PPIA: variants seen among roughly 807,000 people sequenced by gnomAD.
PPIA encodes peptidyl-prolyl cis-trans isomerase A.
Under a neutral mutation model 15.3 loss-of-function variants are expected in PPIA, and 2 were observed. That is an observed-to-expected ratio of 0.13 (90% CI 0.05 to 0.41). PPIA has a LOEUF of 0.41. Among genes scored for constraint, PPIA ranks in the 10% least tolerant of loss-of-function variants. PPIA has a pLI of 0.99. For synonymous variants in PPIA, 67 were observed against 73.1 expected (o/e 0.92, Z 0.43); for missense variants, 103 against 210.3 (o/e 0.49, Z 3.16).
rs776159089 is a variant in PPIA, at chr7:44,799,495, G to A, written c.189+15G>A. 1 of 1,608,742 alleles carries A rather than the reference G, an allele frequency of 6.2e-7. No individual in the cohort carries two copies. The highest frequency in any genetic ancestry group is 8.5e-7 in the Non-Finnish European group (1 of 1,177,984). ...TTATGTGTCAGGTACGAAATTTACT[G>A]AATTTTATTTTATTTGGGTTGCTCC... On this transcript the variant is annotated intron_variant, in intron 3 of 4. Coordinates refer to ENST00000468812, the MANE Select transcript of PPIA (RefSeq NM_021130.5).
intron 1 of PPIA, 65 bp from the exon 2 acceptor site, chr7:44,799,182 C>T: frequency 6.5e-7 from 1 of 1,527,456 alleles, no homozygotes; most frequent in South Asian, 1.2e-5. Flanking sequence ...TCAGAAGCCC[C>T]TAAAGACATG....
At chr7:44,801,113 G>A (rs1335372778) in intron 4 of PPIA, among the ~76,000 whole-genome samples, 174 bp from the exon 5 acceptor site, 8 of 151,804 alleles carry the variant, frequency 5.3e-5, no homozygotes, top group Non-Finnish European at 1.0e-4. Context: ...CACCGCACCC[G>A]GCCTATATGT....
chr7:44,801,142 T>C, intron 4 of PPIA, 145 bp from the exon 5 acceptor site: 1 of 1,013,952 alleles, frequency 9.9e-7, no homozygotes, highest in Non-Finnish European at 1.4e-6. Flanking sequence ...TTAATGGTAA[T>C]TGGAGAATCA....
In PPIA at chr7:44,802,427, A is replaced by C. The variant is rs1792596634; in HGVS notation, c.*1005A>C. On this transcript the variant is annotated 3_prime_UTR_variant, in exon 5 of 5. Coordinates refer to ENST00000468812, the MANE Select transcript of PPIA (RefSeq NM_021130.5). ...GCCTCCCAAACTGCTGAGATTACAG[A>C]TGTGAGCCACCGCACCCTACCTCAT... 1 of 152,090 alleles carries C rather than the reference A, an allele frequency of 6.6e-6. No individual in the cohort carries two copies. Among genetic ancestry groups the C allele is most frequent in the African/African-American group, 2.4e-5 (1 of 41,414 alleles). 9.4% of individuals were successfully genotyped at this position (152,090 alleles called of 1,614,324 possible).
chr7:44,801,245 G>T, intron 4 of PPIA, 42 bp from the exon 5 acceptor site: 1 of 1,605,328 alleles, frequency 6.2e-7, no homozygotes, highest in Non-Finnish European at 8.5e-7. Context: ...GAGGCTGCTT[G>T]TTTGTGGTTG....
At chr7:44,797,670 T>C (rs926957750) in intron 1 of PPIA, among the ~76,000 whole-genome samples, 4 of 152,242 alleles carry the variant, frequency 2.6e-5, no homozygotes, top group Non-Finnish European at 5.9e-5. Flanking sequence ...TTAAATGAGT[T>C]CTTAAAGATC....
At chr7:44,798,757 C>T (rs1007278762) in intron 1 of PPIA, 54 of 987,870 alleles carry the variant, frequency 5.5e-5, no homozygotes, top group Non-Finnish European at 6.0e-5. Context: ...GGTAAGGGGC[C>T]TGGATACCAA....
At chr7:44,797,013 C>T (rs1438460336) in intron 1 of PPIA, among the ~76,000 whole-genome samples, 3 of 152,080 alleles carry the variant, frequency 2.0e-5, no homozygotes, top group East Asian at 3.9e-4. Flanking sequence ...GGGGCGGCTG[C>T]GAGGCCGTTG....
chr7:44,797,098 C>T (rs1792395332), intron 1 of PPIA, among the ~76,000 whole-genome samples: 1 of 152,206 alleles, frequency 6.6e-6, no homozygotes, highest in African/African-American at 2.4e-5. Context: ...TGCTCGGCGG[C>T]CGCGCTCAGG....
At chr7:44,800,963 A>G (rs1375370678) in intron 4 of PPIA, among the ~76,000 whole-genome samples, 1 of 151,956 alleles carries the variant, frequency 6.6e-6, no homozygotes, top group African/African-American at 2.4e-5. Flanking sequence ...GACTATAGGC[A>G]CACGCCACCA....
rs1792602337 is a variant in PPIA, at chr7:44,802,658, C to T, written c.*1236C>T. 1 of 152,144 alleles carries T rather than the reference C, an allele frequency of 6.6e-6. No individual in the cohort carries two copies. The highest frequency in any genetic ancestry group is 2.4e-5 in the African/African-American group (1 of 41,422). The allele number at this position is 152,144 out of a possible 1,614,324, so 9.4% of individuals were successfully genotyped here. The stretch of plus-strand genomic sequence containing the variant: ...TGCAGTGAGGAGGTACTGCTTGTAG[C>T]ATATAGAGCCTCTCCCTAGCTTTGG... On this transcript the variant is annotated 3_prime_UTR_variant, in exon 5 of 5. Transcript: ENST00000468812.
Position 44,796,684 on chromosome 7 carries a change from T to C in PPIA, c.-41T>C, listed in dbSNP as rs373317060. ...GGCGGGAGGCCAGGCTCGTGCCGTTTTGCAGACGCCACCGCCGAGGAAAAC... is the reference window on the plus strand; with the variant it reads ...GGCGGGAGGCCAGGCTCGTGCCGTTCTGCAGACGCCACCGCCGAGGAAAAC... On this transcript the variant is annotated 5_prime_UTR_variant, in exon 1 of 5. Coordinates refer to ENST00000468812, the MANE Select transcript of PPIA (RefSeq NM_021130.5). The C allele has an allele frequency of 5.5e-4, 874 of 1,598,158 alleles. No individual in the cohort carries two copies. The highest frequency in any genetic ancestry group is 6.7e-4 in the Non-Finnish European group (788 of 1,168,802).
At chr7:44,799,051 G>T in intron 1 of PPIA, 196 bp from the exon 2 acceptor site, 1 of 1,120,750 alleles carries the variant, frequency 8.9e-7, no homozygotes, top group Non-Finnish European at 1.2e-6. Flanking sequence ...TTTTTGGCAT[G>T]TCTTTGGGTT....
rs1038712891 is a variant in PPIA, at chr7:44,799,326, T to A, written c.100+49T>A. The A allele has an allele frequency of 3.9e-6, 6 of 1,537,366 alleles. No individual in the cohort carries two copies. The South Asian group carries it at 5.7e-5, about 15-fold the overall frequency. On this transcript the variant is annotated intron_variant, in intron 2 of 4. Transcript: ENST00000468812. ...CAAAGATGTTCCAATTGTGACAGTT[T>A]GTGTGTGTGTGTGTATATATATATT... is the stretch of plus-strand genomic sequence containing the variant.
At chr7:44,799,120 G>T (rs1792466923) in intron 1 of PPIA, 127 bp from the exon 2 acceptor site, 2 of 1,230,850 alleles carry the variant, frequency 1.6e-6, no homozygotes, top group Non-Finnish European at 2.3e-6. Flanking sequence ...CAGTTCTTGG[G>T]AATTAAAGTA....
intron 1 of PPIA, chr7:44,798,993 G>T: frequency 8.4e-7 from 1 of 1,184,466 alleles, no homozygotes; most frequent in Non-Finnish European, 1.1e-6. Context: ...CTAAAAGTTT[G>T]AGACACTTTC....
At chr7:44,796,921 C>A in intron 1 of PPIA, 128 bp downstream of exon 1, 1 of 1,064,096 alleles carries the variant, frequency 9.4e-7, no homozygotes, top group Non-Finnish European at 1.3e-6. Context: ...CGGGCTGCGG[C>A]GCCATTTCCT....
chr7:44,796,845 C>T (rs776920308), intron 1 of PPIA, 52 bp downstream of exon 1: 85 of 1,288,682 alleles, frequency 6.6e-5, no homozygotes, highest in Non-Finnish European at 8.7e-5. Flanking sequence ...GGGCCGGGGT[C>T]GGGGTGGGTG....
chr7:44,801,884 C>A lies in PPIA; in HGVS notation c.*462C>A. On this transcript the variant is annotated 3_prime_UTR_variant, in exon 5 of 5. Coordinates refer to ENST00000468812, the MANE Select transcript of PPIA (RefSeq NM_021130.5). ...GGGTAGGAGTCAAGATCAGCCTGGG[C>A]AACATAGTGAGACGCTGTCTCTACA... The A allele has an allele frequency of 5.9e-6, 1 of 169,038 alleles. No homozygotes were observed. Among genetic ancestry groups the A allele is most frequent in the South Asian group, 1.5e-4 (1 of 6,896 alleles). The allele number at this position is 169,038 out of a possible 1,614,324, so 10.5% of individuals were successfully genotyped here. A position where few individuals can be genotyped will look rare whatever the true frequency, so the allele number is the denominator to read the frequency against.
Sources: allele counts gnomAD v4.1 joint callset (sites outside exome capture counted in the v4.1 genomes callset), GRCh38; gene constraint gnomAD v4.1.1; transcripts MANE v1.5; gene names NCBI Gene and HGNC (gene_info 2026-07-23, HGNC 2026-07-21).